Variants in ZDHHC22 observed in about 807,000 individuals in gnomAD.
ZDHHC22 encodes the protein palmitoyltransferase ZDHHC22.
ZDHHC22 carries 13 observed loss-of-function variants against 17.0 expected under a neutral mutation model. The ratio of observed to expected loss-of-function variants is 0.76; its 90% CI spans 0.50 to 1.21. The LOEUF is 1.21. Among genes scored for constraint, ZDHHC22 ranks in the 50% most tolerant of loss-of-function variants. The pLI is 0.00. For synonymous variants in ZDHHC22, 138 were observed against 154.7 expected (o/e 0.89, Z 0.80); for missense variants, 319 against 342.3 (o/e 0.93, Z 0.54).
intron 2 of ZDHHC22, among the ~76,000 whole-genome samples, chr14:77,135,469 T>C (rs1412045821): frequency 7.2e-6 from 1 of 139,476 alleles, no homozygotes; most frequent in East Asian, 2.2e-4. Flanking sequence ...TGGATAGCTG[T>C]ATTATTTTTT....
chr14:77,137,670 G>A (rs951093461), intron 2 of ZDHHC22, among the ~76,000 whole-genome samples: 4 of 152,080 alleles, frequency 2.6e-5, no homozygotes, highest in African/African-American at 4.8e-5. Context: ...GGCAGCCCCC[G>A]TAGCTGGGTC....
chr14:77,138,969 T>A (rs566400976), intron 2 of ZDHHC22, among the ~76,000 whole-genome samples: 1 of 152,372 alleles, frequency 6.6e-6, no homozygotes, highest in East Asian at 1.9e-4. Context: ...AAATACAGCA[T>A]GTCCGCTTAA....
At chr14:77,133,993 A>T (rs763416488) in intron 2 of ZDHHC22, 45 bp from the exon 3 acceptor site, 10 of 1,509,948 alleles carry the variant, frequency 6.6e-6, no homozygotes, top group Non-Finnish European at 8.8e-6. Flanking sequence ...CTTTACACCC[A>T]GGCCACCGGC....
chr14:77,134,923 G>A (rs570237734), intron 2 of ZDHHC22, among the ~76,000 whole-genome samples: 56 of 152,280 alleles, frequency 3.7e-4, no homozygotes, highest in African/African-American at 1.3e-3. Flanking sequence ...TCAGCATTCC[G>A]GTTCACACTC....
At chr14:77,137,737 A>G (rs1295413759) in intron 2 of ZDHHC22, among the ~76,000 whole-genome samples, 3 of 152,206 alleles carry the variant, frequency 2.0e-5, no homozygotes, top group African/African-American at 4.8e-5. Context: ...ATGCCTGGGA[A>G]GAACTGGGCT....
chr14:77,137,690 T>G (rs960870582), intron 2 of ZDHHC22, among the ~76,000 whole-genome samples: 50 of 152,242 alleles, frequency 3.3e-4, no homozygotes, highest in African/African-American at 1.1e-3. Flanking sequence ...CCCCCCTGTA[T>G]CTCTGTGTTC....
intron 2 of ZDHHC22, 26 bp downstream of exon 2, chr14:77,139,187 C>T: frequency 3.2e-6 from 5 of 1,550,088 alleles, no homozygotes; most frequent in Non-Finnish European, 4.4e-6. Context: ...GTGTAGAGCC[C>T]AACCTGCCCG....
intron 2 of ZDHHC22, among the ~76,000 whole-genome samples, chr14:77,135,531 C>A (rs1200124194): frequency 1.3e-5 from 2 of 152,106 alleles, no homozygotes; most frequent in Non-Finnish European, 2.9e-5. Context: ...TTTACAGCAG[C>A]CCCTCCACTG....
In ZDHHC22 at chr14:77,132,820, A is replaced by G. The variant is rs140188712; in HGVS notation, c.*863T>C. ...CCATCTCTCTCTCTCTCTCTCTCAC[A>G]CACACACACACACACACACACACAC... On this transcript the variant is annotated 3_prime_UTR_variant, in exon 3 of 3. Coordinates refer to ENST00000319374, the MANE Select transcript of ZDHHC22 (RefSeq NM_174976.2). The G allele has an allele frequency of 2.7e-4, 6 of 22,230 alleles. No individual in the cohort carries two copies. Among genetic ancestry groups the G allele is most frequent in the African/African-American group, 5.9e-4 (6 of 10,134 alleles). The allele number at this position is 22,230 out of a possible 1,614,324, so 1.4% of individuals were successfully genotyped here.
rs1295271313 is a variant in ZDHHC22, at chr14:77,141,700, C to G, written c.-112G>C. On this transcript the variant is annotated 5_prime_UTR_variant, in exon 1 of 3. Coordinates refer to ENST00000319374, the MANE Select transcript of ZDHHC22 (RefSeq NM_174976.2). ...CTCGGCCCGGCTGGCTCGCAGCCTG[C>G]GCTTCGCTTCGGGAACTGGGCAAGT... 3 of 152,328 alleles carry G rather than the reference C, an allele frequency of 2.0e-5. No homozygotes were observed. Among genetic ancestry groups the G allele is most frequent in the African/African-American group, 7.2e-5 (3 of 41,456 alleles). The allele number at this position is 152,328 out of a possible 1,614,324, so 9.4% of individuals were successfully genotyped here. A position where few individuals can be genotyped will look rare whatever the true frequency, so the allele number is the denominator to read the frequency against.
At chr14:77,134,054 G>C in intron 2 of ZDHHC22, 106 bp from the exon 3 acceptor site, 1 of 1,329,982 alleles carries the variant, frequency 7.5e-7, no homozygotes, top group Non-Finnish European at 1.0e-6. Flanking sequence ...AGATTAATGA[G>C]ATTGACGCTA....
chr14:77,139,340 G>T lies in ZDHHC22; in HGVS notation c.399C>A (p.Thr133=). 6.2e-7 allele frequency: 1 copy of T among 1,600,566 alleles called. No homozygotes were observed. Residue 133 remains threonine, a synonymous_variant, in exon 2 of 3, where the codon ACC becomes ACA. Coordinates refer to ENST00000319374, the MANE Select transcript of ZDHHC22 (RefSeq NM_174976.2). ...MRNFVLFCLY[T]SLACLYSMVA... is the part of the protein sequence containing the mutation. Reference sequence around the variant, plus strand: ...CCATGGAGTAGAGGCAGGCCAGGGAGGTGTAGAGGCAGAACAGGACGAAGT... The same window carrying T: ...CCATGGAGTAGAGGCAGGCCAGGGATGTGTAGAGGCAGAACAGGACGAAGT...
intron 2 of ZDHHC22, 111 bp from the exon 3 acceptor site, chr14:77,134,059 A>T (rs1468732806): frequency 7.6e-7 from 1 of 1,308,368 alleles, no homozygotes; most frequent in Non-Finnish European, 1.0e-6. Flanking sequence ...AATGAGATTG[A>T]CGCTACATTT....
chr14:77,138,820 T>C (rs1338072067), intron 2 of ZDHHC22, among the ~76,000 whole-genome samples: 2 of 152,108 alleles, frequency 1.3e-5, no homozygotes, highest in African/African-American at 4.8e-5. Flanking sequence ...TTGTACCTCA[T>C]GGGGCTACAT....
rs755735897 is a variant in ZDHHC22, at chr14:77,133,890, G to A, written c.585C>T (p.Ile195=). The A allele has an allele frequency of 6.2e-6, 10 of 1,612,172 alleles. No individual in the cohort carries two copies. The East Asian group carries it at 1.1e-4, about 18-fold the overall frequency. Residue 195 remains isoleucine (I), a synonymous_variant, in exon 3 of 3, where the codon ATC becomes ATT. Transcript: ENST00000319374. ...VILMLYLWFA[I]GLACAGFCCH... ...AGCAGAAGCCGGCGCAGGCCAGGCC[G>A]ATGGCGAACCAGAGGTAGAGCATGA...
rs1406307541 is a variant in ZDHHC22 at position 77,139,600 on chromosome 14, C to A, written c.139G>T (p.Ala47Ser). The A allele has an allele frequency of 7.5e-6, 12 of 1,590,312 alleles. No homozygotes were observed. In the East Asian group the frequency reaches 2.7e-4, roughly 36 times the overall value. The stretch of plus-strand genomic sequence containing the variant: ...AGGAAGAGCGCCCCGTGGAGCAGGG[C>A]GGGCGAGAAGAGCCGGGCGGCCGCG... ...DPAAARLFSP[A>S]LLHGALFLFL... The change falls in exon 2 of 3, where the codon GCC (alanine) becomes TCC (serine). Residue 47 changes from alanine (A) to serine (S), a missense_variant. Physicochemically the swap from Ala to Ser is moderately conservative, Grantham distance 99 (BLOSUM62 1). Transcript: ENST00000319374.
intron 2 of ZDHHC22, among the ~76,000 whole-genome samples, chr14:77,135,019 T>C (rs1887107597): frequency 1.3e-5 from 2 of 152,210 alleles, no homozygotes; most frequent in African/African-American, 4.8e-5. Flanking sequence ...ATCAAGCTTT[T>C]TCCTTCTCCT....
intron 2 of ZDHHC22, among the ~76,000 whole-genome samples, chr14:77,134,770 T>C (rs1383718529): frequency 6.6e-6 from 1 of 152,220 alleles, no homozygotes; most frequent in Non-Finnish European, 1.5e-5. Flanking sequence ...GGCTGGTCCA[T>C]GCTAGGTTTG....
Position 77,133,669 on chromosome 14 carries a change from G to A in ZDHHC22, c.*14C>T. 1 of 1,605,696 alleles carries A rather than the reference G, an allele frequency of 6.2e-7. No homozygotes were observed. Among genetic ancestry groups the A allele is most frequent in the South Asian group, 1.1e-5 (1 of 89,514 alleles). ...TCAAGACAGAGACAGAGAGATAAAT[G>A]ACGGGAGTGTCTACTACTTATCCTG... On this transcript the variant is annotated 3_prime_UTR_variant, in exon 3 of 3. Coordinates refer to ENST00000319374, the MANE Select transcript of ZDHHC22 (RefSeq NM_174976.2).
Sources: allele counts gnomAD v4.1 joint callset (sites outside exome capture counted in the v4.1 genomes callset), GRCh38; gene constraint gnomAD v4.1.1; transcripts MANE v1.5; gene names NCBI Gene and HGNC (gene_info 2026-07-23, HGNC 2026-07-21).